Variants in KCNMB2 observed in about 807,000 individuals in gnomAD.
The protein encoded by KCNMB2 is calcium-activated potassium channel subunit beta-2.
KCNMB2 carries 9 observed loss-of-function variants against 24.5 expected under a neutral mutation model. The observed-to-expected ratio is 0.37, with a 90% CI of 0.22 to 0.64. The LOEUF (loss-of-function observed/expected upper bound fraction) is 0.64, where lower values mean the gene tolerates loss of function less well. Ranked by LOEUF, KCNMB2 falls within the 30% of genes least tolerant of loss-of-function variation. The pLI, the probability that KCNMB2 is intolerant of heterozygous loss-of-function variation, is 0.63. For missense variants in KCNMB2, 226 were observed against 284.3 expected (o/e 0.79, Z 1.47); for synonymous variants, 109 against 104.4 (o/e 1.04, Z -0.27).
intron 1 of KCNMB2, among the ~76,000 whole-genome samples, chr3:178,650,404 T>C (rs1720068274): frequency 6.6e-6 from 1 of 152,188 alleles, no homozygotes. Flanking sequence ...GTTAATTTTC[T>C]GTCTCGATGA....
intron 1 of KCNMB2, among the ~76,000 whole-genome samples, chr3:178,610,742 T>C (rs1718452011): frequency 6.6e-6 from 1 of 152,236 alleles, no homozygotes; most frequent in Non-Finnish European, 1.5e-5. Flanking sequence ...ATTATATCTT[T>C]CTCTTGTCTG....
At chr3:178,838,247 G>A (rs1715303083) in intron 4 of KCNMB2, among the ~76,000 whole-genome samples, 1 of 152,090 alleles carries the variant, frequency 6.6e-6, no homozygotes, top group South Asian at 2.1e-4. Context: ...CATCTAACTG[G>A]TAGGAAATTT....
intron 1 of KCNMB2, among the ~76,000 whole-genome samples, chr3:178,724,981 T>C (rs185543220): frequency 1.8e-4 from 28 of 152,260 alleles, no homozygotes; most frequent in African/African-American, 6.5e-4. Context: ...TGCTCAGGGT[T>C]GCTTTGGCTA....
Position 178,549,283 on chromosome 3 carries a change from T to C in KCNMB2, c.-68+12572T>C, listed in dbSNP as rs369801860. On this transcript the variant is annotated intron_variant, in intron 1 of 4. Transcript: ENST00000452583. ...GAAACAATCTGCCTCGGGGCTTACC[T>C]TGCCTCTTCCTTTTTCTTTTATTTT... Among the ~76,000 whole-genome samples the C allele has an allele frequency of 3.3e-5, 5 of 151,446 alleles. No homozygotes were observed. The South Asian group carries it at 6.3e-4, about 19-fold the overall frequency.
chr3:178,789,418 A>T (rs778775891), intron 1 of KCNMB2, among the ~76,000 whole-genome samples: 1 of 152,218 alleles, frequency 6.6e-6, no homozygotes, highest in Non-Finnish European at 1.5e-5. Context: ...GACAATCCAC[A>T]CAAGAAAACA....
chr3:178,683,379 C>T (rs997798685), intron 1 of KCNMB2, among the ~76,000 whole-genome samples: 43 of 151,690 alleles, frequency 2.8e-4, no homozygotes, highest in African/African-American at 1.0e-3. Flanking sequence ...GGGCACTATG[C>T]TCAGTACCTA....
At chr3:178,614,636 C>T (rs932997591) in intron 1 of KCNMB2, among the ~76,000 whole-genome samples, 1 of 152,034 alleles carries the variant, frequency 6.6e-6, no homozygotes, top group Non-Finnish European at 1.5e-5. Context: ...GGTGGGGACA[C>T]AGCCAAACCA....
At chr3:178,655,089 GCTCT>G (rs1331305034) in intron 1 of KCNMB2, among the ~76,000 whole-genome samples, 8 of 77,952 alleles carry the variant, frequency 1.0e-4, no homozygotes, top group African/African-American at 4.0e-4. Context: ...GTAAATATTA[GCTCT>G]CCCTCTCTCT....
chr3:178,700,662 T>C (rs539607669), intron 1 of KCNMB2, among the ~76,000 whole-genome samples: 2 of 152,308 alleles, frequency 1.3e-5, no homozygotes, highest in East Asian at 3.9e-4. Context: ...GGAAGAGATT[T>C]GAGAAGATAT....
chr3:178,674,488 C>G (rs138901711), intron 1 of KCNMB2, among the ~76,000 whole-genome samples: 1 of 152,334 alleles, frequency 6.6e-6, no homozygotes, highest in African/African-American at 2.4e-5. Context: ...TCATTCCCTA[C>G]ATCTAATCCA....
At chr3:178,815,321 T>C (rs995496933) in intron 2 of KCNMB2, among the ~76,000 whole-genome samples, 1 of 151,954 alleles carries the variant, frequency 6.6e-6, no homozygotes, top group South Asian at 2.1e-4. Context: ...TTTTTAGAGA[T>C]GGTGCCTTGC....
At chr3:178,625,976 C>T (rs556337748) in intron 1 of KCNMB2, among the ~76,000 whole-genome samples, 1 of 152,052 alleles carries the variant, frequency 6.6e-6, no homozygotes, top group African/African-American at 2.4e-5. Context: ...GTGAAATAGG[C>T]CTAAAGGACA....
At chr3:178,795,357 G>A (rs1194427129) in intron 1 of KCNMB2, 1 of 152,090 alleles carries the variant, frequency 6.6e-6, no homozygotes, top group Non-Finnish European at 1.5e-5. Flanking sequence ...TGGAAACATG[G>A]TGAGGTAAGC....
chr3:178,636,537 T>A (rs1050285482), intron 1 of KCNMB2, among the ~76,000 whole-genome samples: 1 of 152,256 alleles, frequency 6.6e-6, no homozygotes, highest in Admixed American at 6.5e-5. Flanking sequence ...CCTTGTGATA[T>A]CACTGTGCAT....
chr3:178,585,646 ACTTG>A (rs1717399823), intron 1 of KCNMB2, among the ~76,000 whole-genome samples: 1 of 152,172 alleles, frequency 6.6e-6, no homozygotes, highest in Non-Finnish European at 1.5e-5. Flanking sequence ...GTTCAGTCTG[ACTTG>A]CTTTTCTTCC....
At chr3:178,585,634 G>A (rs1436149912) in intron 1 of KCNMB2, among the ~76,000 whole-genome samples, 2 of 152,190 alleles carry the variant, frequency 1.3e-5, no homozygotes, top group Non-Finnish European at 2.9e-5. Flanking sequence ...ACTGTGTTCA[G>A]GGTTCAGTCT....
intron 1 of KCNMB2, among the ~76,000 whole-genome samples, chr3:178,701,583 C>A (rs1244744436): frequency 6.6e-6 from 1 of 151,704 alleles, no homozygotes; most frequent in Admixed American, 6.5e-5. Flanking sequence ...AAAAAACAAA[C>A]AACCCCATCA....
chr3:178,618,645 T>C (rs1298531729), intron 1 of KCNMB2, among the ~76,000 whole-genome samples: 4 of 152,198 alleles, frequency 2.6e-5, no homozygotes, highest in South Asian at 2.1e-4. Flanking sequence ...AAAATGAAAG[T>C]TACCGAAAGC....
At chr3:178,703,044 CT>C (rs1227539016) in intron 1 of KCNMB2, among the ~76,000 whole-genome samples, 1 of 151,952 alleles carries the variant, frequency 6.6e-6, no homozygotes, top group Non-Finnish European at 1.5e-5. Flanking sequence ...GCCTTATTCC[CT>C]TTAAGTTTTA....
Sources: gnomAD v4.1 joint callset for allele counts (sites outside exome capture counted in the v4.1 genomes callset) on GRCh38, gnomAD v4.1.1 for gene constraint, MANE v1.5 for transcripts, NCBI Gene and HGNC (gene_info 2026-07-23, HGNC 2026-07-21) for gene names.